Variants in BCAS3 observed in about 807,000 individuals in gnomAD.
BCAS3 encodes the protein BCAS3 microtubule associated cell migration factor.
BCAS3 carries 53 observed loss-of-function variants against 116.1 expected under a neutral mutation model. That is an observed-to-expected ratio of 0.46 (90% CI 0.37 to 0.57). The LOEUF is 0.57. BCAS3 is among the 20% of genes least tolerant of loss of function. BCAS3 has a pLI of 0.00. For missense variants in BCAS3, 917 were observed against 1,165.4 expected (o/e 0.79, Z 3.10); for synonymous variants, 391 against 408.2 (o/e 0.96, Z 0.51).
intron 4 of BCAS3, among the ~76,000 whole-genome samples, chr17:60,698,087 A>G (rs1177896977): frequency 4.6e-5 from 7 of 151,446 alleles, no homozygotes; most frequent in Non-Finnish European, 2.9e-5. Flanking sequence ...GCTGAGGCAG[A>G]AGAATGGTGT....
At chr17:60,963,200 G>A (rs1485807256) in intron 14 of BCAS3, among the ~76,000 whole-genome samples, 1 of 151,986 alleles carries the variant, frequency 6.6e-6, no homozygotes, top group Non-Finnish European at 1.5e-5. Flanking sequence ...GCTCAGGATT[G>A]CTTTGGCTAT....
chr17:61,265,188 CA>C lies in BCAS3; in HGVS notation c.2426-103138del, dbSNP rs2049573999. Among the ~76,000 whole-genome samples, 1 of 152,138 alleles carries C rather than the reference CA, an allele frequency of 6.6e-6. No homozygotes were observed. Among genetic ancestry groups the C allele is most frequent in the South Asian group, 2.1e-4 (1 of 4,820 alleles). ...CAGCACTTTGGGAGCCTGAGGCAGG[CA>C]GATCACCTGAGGTTGCGAGTTCAAG... On this transcript the variant is annotated intron_variant, in intron 22 of 23. Transcript: ENST00000407086. This position sits in a 1 kb window ranked among gnomAD's most constrained non-coding sequence, Gnocchi z 4.3.
intron 6 of BCAS3, among the ~76,000 whole-genome samples, chr17:60,783,877 G>T (rs535670072): frequency 6.6e-6 from 1 of 152,188 alleles, no homozygotes; most frequent in South Asian, 2.1e-4. Context: ...TTCTCATGTT[G>T]TAATATTCTC....
At chr17:60,971,239 G>A (rs73322751) in intron 14 of BCAS3, among the ~76,000 whole-genome samples, 10,405 of 152,254 alleles carry the variant, frequency 0.068, 1,050 homozygotes, top group African/African-American at 0.22. Context: ...GAGACCACTG[G>A]CCAGGCCATT....
At position 61,233,033 on chromosome 17, in the gene BCAS3, T is replaced by C. The variant is rs2082784189; in HGVS notation, c.2426-135294T>C. The stretch of plus-strand genomic sequence containing the variant: ...TTTGGGCCTCCATGAAGTCATTCCT[T>C]TGCAGTGATCTGTAGCTAGACTGCG... On this transcript the variant is annotated intron_variant, in intron 22 of 23. Coordinates refer to ENST00000407086, the MANE Select transcript of BCAS3 (RefSeq NM_017679.5). The surrounding 1 kb of genome is among the most constrained non-coding windows in gnomAD (Gnocchi z 4.3). Among the ~76,000 whole-genome samples, 1 of 152,214 alleles carries C rather than the reference T, an allele frequency of 6.6e-6. No homozygotes were observed. Among genetic ancestry groups the C allele is most frequent in the South Asian group, 2.1e-4 (1 of 4,828 alleles).
At chr17:60,812,312 A>T (rs919719386) in intron 7 of BCAS3, among the ~76,000 whole-genome samples, 1 of 152,206 alleles carries the variant, frequency 6.6e-6, no homozygotes, top group African/African-American at 2.4e-5. Flanking sequence ...TTACATATGT[A>T]CATATAGGAG....
chr17:61,320,693 A>G (rs1047564320), intron 22 of BCAS3, among the ~76,000 whole-genome samples: 3 of 152,038 alleles, frequency 2.0e-5, no homozygotes, highest in Admixed American at 6.6e-5. Context: ...AAAAAAAAGA[A>G]TACATTCAAC....
chr17:60,915,087 G>A (rs542339238), intron 12 of BCAS3, among the ~76,000 whole-genome samples: 17 of 152,254 alleles, frequency 1.1e-4, no homozygotes, highest in Admixed American at 7.2e-4. Context: ...AAACTGAGCC[G>A]CTCAAAAGCT....
chr17:60,996,805 A>G (rs1011801924), intron 15 of BCAS3, among the ~76,000 whole-genome samples: 2 of 152,252 alleles, frequency 1.3e-5, no homozygotes, highest in African/African-American at 4.8e-5. Flanking sequence ...CCAGTGACAT[A>G]CAAAGCAAAA....
intron 7 of BCAS3, among the ~76,000 whole-genome samples, chr17:60,859,024 A>C (rs1256230793): frequency 6.6e-6 from 1 of 152,120 alleles, no homozygotes; most frequent in Non-Finnish European, 1.5e-5. Context: ...CATGCATGAA[A>C]TCATTTATTT....
intron 22 of BCAS3, among the ~76,000 whole-genome samples, chr17:61,090,635 C>T (rs1404874959): frequency 6.6e-6 from 1 of 152,040 alleles, no homozygotes; most frequent in Non-Finnish European, 1.5e-5. Context: ...CTGATTTAAA[C>T]ATTCCTCTTA....
rs1161302587 is a variant in BCAS3 at position 60,851,485 on chromosome 17, C to T, written c.477-17091C>T. On this transcript the variant is annotated intron_variant, in intron 7 of 23. Coordinates refer to ENST00000407086, the MANE Select transcript of BCAS3 (RefSeq NM_017679.5). ...AAACTTGCTCCTGCAAAAATGGAAG[C>T]GAAGCCGAAAAAGGCAGCAGCAAAG... 3.1e-5 allele frequency: 17 copies of T among 544,576 alleles called. No homozygotes were observed. The East Asian group carries it at 5.2e-4, about 17-fold the overall frequency. 33.7% of individuals were successfully genotyped at this position (544,576 alleles called of 1,614,324 possible). A position where few individuals can be genotyped will look rare whatever the true frequency, so the allele number is the denominator to read the frequency against.
At chr17:61,014,796 ACAAGAT>A (rs1290340660) in intron 15 of BCAS3, among the ~76,000 whole-genome samples, 1 of 152,190 alleles carries the variant, frequency 6.6e-6, no homozygotes, top group Non-Finnish European at 1.5e-5. Context: ...GTTGTAGGAT[ACAAGAT>A]CAATGTACAA....
At position 61,141,490 on chromosome 17, in the gene BCAS3, C is replaced by A. The variant is rs967283186; in HGVS notation, c.2425+56926C>A. ...GAAGGATTCCTTGAGTCCAGGAGTT[C>A]GAGACTGCAGTGAGTTATGATCACA... On this transcript the variant is annotated intron_variant, in intron 22 of 23. Coordinates refer to ENST00000407086, the MANE Select transcript of BCAS3 (RefSeq NM_017679.5). The surrounding 1 kb of genome is among the most constrained non-coding windows in gnomAD (Gnocchi z 4.3). 2.0e-5 allele frequency among the ~76,000 whole-genome samples: 3 copies of A among 152,008 alleles called. No individual in the cohort carries two copies. In the South Asian group the frequency reaches 6.2e-4, roughly 32 times the overall value.
intron 22 of BCAS3, among the ~76,000 whole-genome samples, chr17:61,234,537 C>A (rs894997589): frequency 6.6e-6 from 1 of 152,150 alleles, no homozygotes; most frequent in Non-Finnish European, 1.5e-5. Context: ...GACCTCCCTC[C>A]CAGGGAGAGG....
At position 61,349,452 on chromosome 17, in the gene BCAS3, C is replaced by T. The variant is rs2057699232; in HGVS notation, c.2426-18875C>T. ...TTTCTGAACAACTGAGTGGGAAATT[C>T]TGCACTTAGATTATTGGTCCAGTGG... On this transcript the variant is annotated intron_variant, in intron 22 of 23. Coordinates refer to ENST00000407086, the MANE Select transcript of BCAS3 (RefSeq NM_017679.5). The surrounding 1 kb of genome is among the most constrained non-coding windows in gnomAD (Gnocchi z 4.7). Among the ~76,000 whole-genome samples the T allele has an allele frequency of 6.8e-6, 1 of 147,968 alleles. No individual in the cohort carries two copies. The highest frequency in any genetic ancestry group is 1.5e-5 in the Non-Finnish European group (1 of 65,858).
intron 7 of BCAS3, among the ~76,000 whole-genome samples, chr17:60,863,770 A>G (rs566058688): frequency 1.1e-4 from 17 of 152,294 alleles, no homozygotes; most frequent in African/African-American, 3.4e-4. Context: ...GTATGTTTAC[A>G]CTATACTATA....
Position 61,023,713 on chromosome 17 carries a change from G to T in BCAS3, c.1637+7812G>T, listed in dbSNP as rs1463563301. ...AACATAATTCTTTCCTATCTTCTGGGAGTCTCCTGAAGAAACCCTTTGAGA... is the reference window on the plus strand; with the variant it reads ...AACATAATTCTTTCCTATCTTCTGGTAGTCTCCTGAAGAAACCCTTTGAGA... On this transcript the variant is annotated intron_variant, in intron 16 of 23. Transcript: ENST00000407086. This position sits in a 1 kb window ranked among gnomAD's most constrained non-coding sequence, Gnocchi z 4.8. 6.6e-6 allele frequency among the ~76,000 whole-genome samples: 1 copy of T among 151,926 alleles called. No individual in the cohort carries two copies. Among genetic ancestry groups the T allele is most frequent in the Non-Finnish European group, 1.5e-5 (1 of 67,960 alleles).
intron 4 of BCAS3, among the ~76,000 whole-genome samples, chr17:60,706,098 T>G (rs1363139981): frequency 6.6e-6 from 1 of 152,084 alleles, no homozygotes; most frequent in East Asian, 1.9e-4. Flanking sequence ...GTTTCGCTGT[T>G]GTTGCCCAGG....
Sources: gnomAD v4.1 joint callset for allele counts (sites outside exome capture counted in the v4.1 genomes callset) on GRCh38, gnomAD v4.1.1 for gene constraint, Gnocchi (gnomAD v3.1) non-coding constraint, MANE v1.5 for transcripts, NCBI Gene and HGNC (gene_info 2026-07-23, HGNC 2026-07-21) for gene names.